The following DENND5B variants were observed in gnomAD, a reference collection of about 807,000 sequenced individuals.
DENND5B encodes DENN domain containing 5B, also known as DENN domain-containing protein 5B.
A neutral mutation model predicts 140.6 loss-of-function variants in DENND5B; 34 were observed. That is an observed-to-expected ratio of 0.24 (90% CI 0.18 to 0.32). The LOEUF (loss-of-function observed/expected upper bound fraction) is 0.32, where lower values mean the gene tolerates loss of function less well. Among genes scored for constraint, DENND5B ranks in the 10% least tolerant of loss-of-function variants. The probability of loss-of-function intolerance (pLI) is 1.00; values close to 1 mark genes in which losing one functional copy is unlikely to be tolerated. For missense variants in DENND5B, 1,142 were observed against 1,560.2 expected (o/e 0.73, Z 4.52); for synonymous variants, 551 against 562.1 (o/e 0.98, Z 0.28).
At chr12:31,452,873 T>C (rs1487121117) in intron 4 of DENND5B, among the ~76,000 whole-genome samples, 1 of 152,204 alleles carries the variant, frequency 6.6e-6, no homozygotes, top group Non-Finnish European at 1.5e-5. Context: ...TGAATATGAT[T>C]TTCTAACAAT....
At chr12:31,509,220 G>A (rs1947317026) in intron 1 of DENND5B, among the ~76,000 whole-genome samples, 1 of 151,850 alleles carries the variant, frequency 6.6e-6, no homozygotes, top group African/African-American at 2.4e-5. Context: ...CAACATCAAC[G>A]TTTACACAAC....
intron 1 of DENND5B, among the ~76,000 whole-genome samples, chr12:31,505,022 T>A (rs1004310472): frequency 2.0e-5 from 3 of 152,168 alleles, no homozygotes; most frequent in South Asian, 2.1e-4. Context: ...AGAAAAACTT[T>A]TATTGTCTCA....
intron 1 of DENND5B, among the ~76,000 whole-genome samples, chr12:31,566,670 T>C (rs1336501156): frequency 6.6e-6 from 1 of 152,164 alleles, no homozygotes; most frequent in East Asian, 1.9e-4. Flanking sequence ...ATACCTTAAA[T>C]TTCATCATCA....
chr12:31,507,422 A>C (rs1481979855), intron 1 of DENND5B, among the ~76,000 whole-genome samples: 1 of 152,320 alleles, frequency 6.6e-6, no homozygotes, highest in Admixed American at 6.5e-5. Flanking sequence ...ATCATTTGCC[A>C]CTGCACCTGG....
intron 1 of DENND5B, among the ~76,000 whole-genome samples, chr12:31,579,259 T>A (rs1019221879): frequency 6.6e-6 from 1 of 152,242 alleles, no homozygotes; most frequent in East Asian, 1.9e-4. Flanking sequence ...GCCTCTTCTA[T>A]CCTCAGGATG....
At chr12:31,503,267 T>C (rs1291206001) in intron 1 of DENND5B, among the ~76,000 whole-genome samples, 16 of 152,104 alleles carry the variant, frequency 1.1e-4, no homozygotes, top group African/African-American at 1.9e-4. Flanking sequence ...AGCTTTACAA[T>C]TGACAATGAA....
intron 8 of DENND5B, chr12:31,432,866 C>T: frequency 6.5e-6 from 2 of 305,736 alleles, no homozygotes; most frequent in Non-Finnish European, 6.0e-6. Context: ...AATTTTTCTC[C>T]TATAGGAGAC....
At chr12:31,539,350 G>A (rs775933690) in intron 1 of DENND5B, among the ~76,000 whole-genome samples, 11 of 152,094 alleles carry the variant, frequency 7.2e-5, no homozygotes, top group Non-Finnish European at 1.5e-4. Context: ...CTGAAAACTA[G>A]AGGAGGAGGG....
At chr12:31,402,774 C>A in intron 14 of DENND5B, 131 bp from the exon 15 acceptor site, 10 of 1,113,238 alleles carry the variant, frequency 9.0e-6, no homozygotes, top group Admixed American at 3.1e-5. Flanking sequence ...TGTACTTATA[C>A]GAAAAGTTGA....
At chr12:31,568,317 G>GA (rs1462731613) in intron 1 of DENND5B, among the ~76,000 whole-genome samples, 1 of 152,098 alleles carries the variant, frequency 6.6e-6, no homozygotes, top group East Asian at 1.9e-4. Context: ...TCCAAAATCT[G>GA]AAAAAACACA....
chr12:31,412,426 G>A (rs1236364219), intron 13 of DENND5B, among the ~76,000 whole-genome samples: 23 of 152,090 alleles, frequency 1.5e-4, no homozygotes. Context: ...AGGGGGAGGT[G>A]GATTCAGAAT....
intron 20 of DENND5B, among the ~76,000 whole-genome samples, chr12:31,388,629 A>G (rs1464568004): frequency 2.0e-5 from 3 of 152,076 alleles, no homozygotes; most frequent in African/African-American, 7.2e-5. Context: ...CAAATACTAC[A>G]TGGGTAACTT....
intron 4 of DENND5B, among the ~76,000 whole-genome samples, chr12:31,453,470 C>T (rs980165481): frequency 6.6e-6 from 1 of 152,190 alleles, no homozygotes; most frequent in Non-Finnish European, 1.5e-5. Flanking sequence ...CAGTATTTAA[C>T]CTCTACTGTC....
At chr12:31,422,296 C>T (rs926194081) in intron 11 of DENND5B, among the ~76,000 whole-genome samples, 59 of 150,702 alleles carry the variant, frequency 3.9e-4, no homozygotes, top group Admixed American at 1.3e-4. Flanking sequence ...TGGGCGTGCT[C>T]ACGGGCACCT....
intron 1 of DENND5B, 47 bp downstream of exon 1, chr12:31,590,637 TCCCGCGCGTCCCCACAGCGTCC>T (rs1302224836): frequency 2.6e-5 from 36 of 1,376,194 alleles, no homozygotes; most frequent in Admixed American, 3.6e-5. Flanking sequence ...GCACCCCGCC[TCCCGCGCGTCCCCACAGCGTCC>T]CCCGCGCCCC....
In DENND5B at chr12:31,385,330, G is replaced by C. The variant is rs1428933480; in HGVS notation, c.*2273C>G. The C allele has an allele frequency of 6.6e-6, 1 of 152,152 alleles. No individual in the cohort carries two copies. The highest frequency in any genetic ancestry group is 1.5e-5 in the Non-Finnish European group (1 of 68,042). The allele number at this position is 152,152 out of a possible 1,614,324, so 9.4% of individuals were successfully genotyped here. On this transcript the variant is annotated 3_prime_UTR_variant, in exon 21 of 21. Coordinates refer to ENST00000389082, the MANE Select transcript of DENND5B (RefSeq NM_144973.4). ...TGTGTTGTCAGTAACCAGCTGTGGG[G>C]TAAGTGTAAGATTTAATCTCTCTAT...
chr12:31,470,192 G>T (rs2138401526), intron 3 of DENND5B, among the ~76,000 whole-genome samples: 1 of 137,494 alleles, frequency 7.3e-6, no homozygotes, highest in East Asian at 2.2e-4. Flanking sequence ...TCGGCTCACT[G>T]CAGTCTCTGC....
chr12:31,552,402 G>A (rs1712210054), intron 1 of DENND5B, among the ~76,000 whole-genome samples: 1 of 152,188 alleles, frequency 6.6e-6, no homozygotes, highest in African/African-American at 2.4e-5. Context: ...TTGCATCCCA[G>A]GGATGAAGCC....
At chr12:31,451,806 T>C in intron 5 of DENND5B, 134 bp downstream of exon 5, 1 of 1,061,066 alleles carries the variant, frequency 9.4e-7, no homozygotes, top group Non-Finnish European at 1.3e-6. Flanking sequence ...ACAAAAAGTC[T>C]GCATTTAAAA....
Sources: gnomAD v4.1 joint callset for allele counts (sites outside exome capture counted in the v4.1 genomes callset) on GRCh38, gnomAD v4.1.1 for gene constraint, MANE v1.5 for transcripts, NCBI Gene and HGNC (gene_info 2026-07-23, HGNC 2026-07-21) for gene names.